The following NRG3 variants were observed in gnomAD, a reference collection of about 807,000 sequenced individuals.
NRG3 encodes pro-neuregulin-3, membrane-bound isoform.
NRG3 carries 31 observed loss-of-function variants against 66.9 expected under a neutral mutation model. The observed-to-expected ratio is 0.46, with a 90% CI of 0.35 to 0.63. The LOEUF is 0.63. Ranked by LOEUF, NRG3 falls within the 20% of genes least tolerant of loss-of-function variation. The probability of loss-of-function intolerance (pLI) is 0.00; values close to 1 mark genes in which losing one functional copy is unlikely to be tolerated. For missense variants in NRG3, 910 were observed against 878.9 expected, an observed-to-expected ratio of 1.04 and a Z score of -0.45; for synonymous variants, 393 against 359.4, an observed-to-expected ratio of 1.09 and a Z score of -1.06.
intron 2 of NRG3, among the ~76,000 whole-genome samples, chr10:82,640,101 G>A (rs560190655): frequency 2.6e-5 from 4 of 152,122 alleles, no homozygotes; most frequent in African/African-American, 7.2e-5. Flanking sequence ...GGACAAGATT[G>A]TATTCTTTTT....
At chr10:82,639,668 T>G (rs1308471868) in intron 2 of NRG3, among the ~76,000 whole-genome samples, 3 of 152,228 alleles carry the variant, frequency 2.0e-5, no homozygotes, top group Non-Finnish European at 4.4e-5. Context: ...AGAGAAGCTA[T>G]GCTCTTGTTT....
intron 2 of NRG3, among the ~76,000 whole-genome samples, chr10:82,431,687 A>G (rs2089816130): frequency 6.6e-6 from 1 of 152,166 alleles, no homozygotes; most frequent in South Asian, 2.1e-4. Flanking sequence ...CCTACTCACA[A>G]ATATCTTTGC....
intron 4 of NRG3, among the ~76,000 whole-genome samples, chr10:82,876,759 C>T (rs1293174568): frequency 6.6e-6 from 1 of 152,114 alleles, no homozygotes; most frequent in South Asian, 2.1e-4. Context: ...CATGGTGGCT[C>T]ACGCCTGTAG....
chr10:81,989,388 C>T (rs2060649024), intron 1 of NRG3, among the ~76,000 whole-genome samples: 2 of 151,576 alleles, frequency 1.3e-5, no homozygotes, highest in Admixed American at 1.3e-4. Context: ...AAAAGAGGAC[C>T]CAGTCGCATA....
At chr10:82,753,535 CCTT>C (rs1173883528) in intron 3 of NRG3, among the ~76,000 whole-genome samples, 7 of 151,930 alleles carry the variant, frequency 4.6e-5, no homozygotes, top group Non-Finnish European at 1.5e-5. Flanking sequence ...CTCCCTCCCT[CCTT>C]CTTTCTTTCC....
At chr10:82,389,848 T>A (rs190913838) in intron 2 of NRG3, among the ~76,000 whole-genome samples, 92 of 152,340 alleles carry the variant, frequency 6.0e-4, no homozygotes, top group Middle Eastern at 3.4e-3. Context: ...CTTTATGAAG[T>A]CATTGACATT....
chr10:82,097,169 A>G (rs1020872711), intron 1 of NRG3, among the ~76,000 whole-genome samples: 1 of 151,898 alleles, frequency 6.6e-6, no homozygotes, highest in African/African-American at 2.4e-5. Flanking sequence ...TGGCTTTTTC[A>G]GAATGTCATA....
intron 6 of NRG3, among the ~76,000 whole-genome samples, chr10:82,964,402 C>T (rs966910948): frequency 8.5e-5 from 13 of 152,236 alleles, no homozygotes; most frequent in African/African-American, 2.9e-4. Context: ...TGAAGAATCC[C>T]CCTGGTGAAG....
At chr10:82,582,804 G>A (rs1006963897) in intron 2 of NRG3, among the ~76,000 whole-genome samples, 3 of 151,904 alleles carry the variant, frequency 2.0e-5, no homozygotes, top group African/African-American at 7.3e-5. Context: ...TAGCATCATG[G>A]TCAAAGTGCT....
chr10:82,297,988 A>C (rs957297486), intron 1 of NRG3, among the ~76,000 whole-genome samples: 3 of 152,030 alleles, frequency 2.0e-5, no homozygotes, highest in Non-Finnish European at 2.9e-5. Flanking sequence ...CAAAAACTGC[A>C]AAAAAATTAG....
chr10:82,900,692 A>G (rs1364559932), intron 4 of NRG3, among the ~76,000 whole-genome samples: 2 of 152,136 alleles, frequency 1.3e-5, no homozygotes, highest in African/African-American at 2.4e-5. Flanking sequence ...AATGATCCCC[A>G]TTTTACAAAT....
chr10:82,013,763 A>T (rs1020827953), intron 1 of NRG3, among the ~76,000 whole-genome samples: 3 of 152,124 alleles, frequency 2.0e-5, no homozygotes, highest in Non-Finnish European at 4.4e-5. Context: ...ACATGCAATT[A>T]TATGTCTAAT....
intron 1 of NRG3, among the ~76,000 whole-genome samples, chr10:82,221,727 C>G (rs1051331087): frequency 2.6e-5 from 4 of 152,132 alleles, no homozygotes; most frequent in East Asian, 1.9e-4. Flanking sequence ...TTTAACCAAA[C>G]CACAGGCTCT....
At chr10:82,916,064 A>T (rs1845801557) in intron 4 of NRG3, among the ~76,000 whole-genome samples, 1 of 152,326 alleles carries the variant, frequency 6.6e-6, no homozygotes, top group African/African-American at 2.4e-5. Flanking sequence ...TTCTATTTGT[A>T]TAAGGCTTTA....
chr10:82,811,532 A>G (rs1222752327), intron 3 of NRG3, among the ~76,000 whole-genome samples: 1 of 152,170 alleles, frequency 6.6e-6, no homozygotes, highest in Non-Finnish European at 1.5e-5. Flanking sequence ...CTATTGTAAC[A>G]CTTGTGGAAC....
intron 1 of NRG3, among the ~76,000 whole-genome samples, chr10:82,048,395 C>CA (rs2063417215): frequency 6.6e-6 from 1 of 152,106 alleles, no homozygotes; most frequent in Non-Finnish European, 1.5e-5. Context: ...TTATAACAAA[C>CA]TGTCTCTCAG....
chr10:82,912,518 C>T (rs915358580), intron 4 of NRG3, among the ~76,000 whole-genome samples: 6 of 152,086 alleles, frequency 3.9e-5, no homozygotes, highest in African/African-American at 1.4e-4. Flanking sequence ...ATATCTTACT[C>T]CACCATTTAT....
intron 2 of NRG3, among the ~76,000 whole-genome samples, chr10:82,403,892 C>T (rs576951091): frequency 3.2e-4 from 48 of 150,432 alleles, no homozygotes; most frequent in African/African-American, 1.0e-3. Context: ...ATGGGAAAAC[C>T]CTCAACCTCA....
chr10:82,883,030 C>G (rs983506204), intron 4 of NRG3, among the ~76,000 whole-genome samples: 2 of 152,148 alleles, frequency 1.3e-5, no homozygotes. Context: ...TGGAAGAAAA[C>G]AAGCATACCC....
Sources: gnomAD v4.1 joint callset for allele counts (sites outside exome capture counted in the v4.1 genomes callset) on GRCh38, gnomAD v4.1.1 for gene constraint, MANE v1.5 for transcripts, NCBI Gene and HGNC (gene_info 2026-07-23, HGNC 2026-07-21) for gene names.